Variants in RAD51B observed in about 807,000 individuals in gnomAD.
RAD51B encodes the protein DNA repair protein RAD51 homolog 2.
RAD51B carries 38 observed loss-of-function variants against 42.2 expected under a neutral mutation model. That is an observed-to-expected ratio of 0.90 (90% CI 0.70 to 1.18). The LOEUF is 1.18. Among genes scored for constraint, RAD51B ranks in the 50% most tolerant of loss-of-function variants. The pLI is 0.00. For synonymous variants in RAD51B, 154 were observed against 145.2 expected, an observed-to-expected ratio of 1.06 and a Z score of -0.43; for missense variants, 373 against 400.7, an observed-to-expected ratio of 0.93 and a Z score of 0.59.
intron 8 of RAD51B, among the ~76,000 whole-genome samples, chr14:68,355,192 G>T (rs2082875661): frequency 6.6e-6 from 1 of 152,098 alleles, no homozygotes. Flanking sequence ...CATTTCTTAT[G>T]TTGCCTATTT....
chr14:68,462,510 A>C (rs1191653429), intron 9 of RAD51B, among the ~76,000 whole-genome samples: 1 of 152,230 alleles, frequency 6.6e-6, no homozygotes, highest in African/African-American at 2.4e-5. Context: ...TCCAGCATCG[A>C]GTACATATTG....
chr14:68,459,671 G>A (rs2085794144), intron 9 of RAD51B, among the ~76,000 whole-genome samples: 1 of 152,234 alleles, frequency 6.6e-6, no homozygotes, highest in African/African-American at 2.4e-5. Context: ...TAGCAGGACA[G>A]GAAATTGTGT....
intron 11 of RAD51B, among the ~76,000 whole-genome samples, chr14:68,670,683 C>G (rs1893137414): frequency 6.6e-6 from 1 of 152,230 alleles, no homozygotes; most frequent in Non-Finnish European, 1.5e-5. Context: ...GAGAGCAGCC[C>G]TGGCAGGTCC....
chr14:68,152,760 C>G lies in RAD51B; in HGVS notation c.757-139124C>G, dbSNP rs552542089. Among the ~76,000 whole-genome samples the G allele has an allele frequency of 8.0e-5, 12 of 149,710 alleles. No homozygotes were observed. In the South Asian group the frequency reaches 2.5e-3, roughly 31 times the overall value. ...TTTAGCTCCTCCCTCCTCCCACTCTCTTCCTTCAAGTAGGCTCCAGTGTCT... is the reference window on the plus strand; with the variant it reads ...TTTAGCTCCTCCCTCCTCCCACTCTGTTCCTTCAAGTAGGCTCCAGTGTCT... On this transcript the variant is annotated intron_variant, in intron 7 of 10. Coordinates refer to ENST00000471583, the MANE Select transcript of RAD51B (RefSeq NM_133510.4).
intron 8 of RAD51B, among the ~76,000 whole-genome samples, chr14:68,383,806 A>T (rs1222585906): frequency 6.6e-6 from 1 of 152,196 alleles, no homozygotes; most frequent in Non-Finnish European, 1.5e-5. Flanking sequence ...ATATTTCCCC[A>T]GGCATCATTT....
intron 9 of RAD51B, among the ~76,000 whole-genome samples, chr14:68,431,466 T>C (rs1455647750): frequency 5.3e-5 from 8 of 152,218 alleles, no homozygotes; most frequent in Non-Finnish European, 7.3e-5. Flanking sequence ...AACTTCTTCC[T>C]GGTTTAGTCT....
At position 68,476,705 on chromosome 14, in the gene RAD51B, G is replaced by C. The variant is rs146346614; in HGVS notation, c.1037-943G>C. ...ATCACATGCTGCTCGCCAGCCATGC[G>C]AAACTTCTGTTTCCTCACACATGCC... On this transcript the variant is annotated intron_variant, in intron 10 of 10. Coordinates refer to ENST00000471583, the MANE Select transcript of RAD51B (RefSeq NM_133510.4). Among the ~76,000 whole-genome samples the C allele has an allele frequency of 3.4e-4, 51 of 152,228 alleles. No individual in the cohort carries two copies. In the East Asian group the frequency reaches 9.1e-3, roughly 27 times the overall value.
intron 7 of RAD51B, among the ~76,000 whole-genome samples, chr14:68,185,917 C>T (rs2079148863): frequency 6.6e-6 from 1 of 152,150 alleles, no homozygotes; most frequent in African/African-American, 2.4e-5. Flanking sequence ...CTGCACAAAT[C>T]TAAAAACTCT....
intron 8 of RAD51B, among the ~76,000 whole-genome samples, chr14:68,378,309 G>C (rs1394255165): frequency 6.6e-6 from 1 of 152,092 alleles, no homozygotes; most frequent in African/African-American, 2.4e-5. Flanking sequence ...TAAAAAGCAT[G>C]TTTCTCCCAA....
chr14:68,059,558 C>T (rs1049352998), intron 7 of RAD51B, among the ~76,000 whole-genome samples: 6 of 152,044 alleles, frequency 3.9e-5, no homozygotes, highest in Non-Finnish European at 5.9e-5. Flanking sequence ...AACATATGCC[C>T]GTAATATTCC....
rs201839130 is a variant in RAD51B at position 67,835,215 on chromosome 14, G to A, written c.315+19G>A. The A allele has an allele frequency of 6.5e-5, 101 of 1,557,794 alleles. No individual in the cohort carries two copies. In the East Asian group the frequency reaches 1.8e-3, roughly 28 times the overall value. On this transcript the variant is annotated intron_variant, in intron 4 of 10. Transcript: ENST00000471583. ...CACAGAGGTAAAGGAAAAATTTTTC[G>A]TACCTTCTTCCATTGACCTATAACC... is the stretch of plus-strand genomic sequence containing the variant.
At chr14:68,076,386 G>A (rs2076834063) in intron 7 of RAD51B, among the ~76,000 whole-genome samples, 3 of 152,198 alleles carry the variant, frequency 2.0e-5, no homozygotes, top group African/African-American at 7.2e-5. Flanking sequence ...GTAAGAATGA[G>A]TGAGCTTAGA....
intron 9 of RAD51B, among the ~76,000 whole-genome samples, chr14:68,441,872 G>A (rs867329632): frequency 1.3e-5 from 2 of 152,154 alleles, no homozygotes; most frequent in Non-Finnish European, 2.9e-5. Context: ...ACGGGCGCTG[G>A]CCACATTGTT....
chr14:68,624,877 G>A lies in RAD51B; in HGVS notation c.1037-25904G>A, dbSNP rs142171048. Among the ~76,000 whole-genome samples the A allele has an allele frequency of 1.5e-4, 23 of 152,228 alleles. No individual in the cohort carries two copies. The East Asian group carries it at 2.9e-3, about 19-fold the overall frequency. On this transcript the variant is annotated intron_variant, in intron 10 of 11. Coordinates refer to the RAD51B transcript ENST00000488612. ...CATATCCAGAGCCCTCCCATGCCTC[G>A]TGGGAGTACATAGGATAGGAGCCGG...
intron 7 of RAD51B, among the ~76,000 whole-genome samples, chr14:67,920,467 A>G (rs1205258985): frequency 6.6e-6 from 1 of 152,176 alleles, no homozygotes; most frequent in Non-Finnish European, 1.5e-5. Context: ...TTTCTCTTAT[A>G]TAAATATGGT....
chr14:68,545,729 T>C, intron 10 of RAD51B: 1 of 434,904 alleles, frequency 2.3e-6, no homozygotes. Flanking sequence ...CTGCCAAGAG[T>C]GAAGGGCTTG....
At chr14:68,507,147 T>G (rs888310744) in intron 10 of RAD51B, among the ~76,000 whole-genome samples, 10 of 152,156 alleles carry the variant, frequency 6.6e-5, no homozygotes, top group Non-Finnish European at 1.3e-4. Flanking sequence ...ATTTTCAATA[T>G]TAATCCATAA....
At position 68,589,456 on chromosome 14, in the gene RAD51B, C is replaced by T. The variant is rs536904586; in HGVS notation, c.1037-5029C>T. ...GCTTTAAATAAATACACACTCAAAA[C>T]GGCTATCACATCACTGCCCCCATGA... On this transcript the variant is annotated intron_variant, in intron 10 of 10. Transcript: ENST00000487270. 6.6e-5 allele frequency among the ~76,000 whole-genome samples: 10 copies of T among 152,144 alleles called. No individual in the cohort carries two copies. In the South Asian group the frequency reaches 1.2e-3, roughly 19 times the overall value.
At chr14:68,648,056 T>TAC (rs1566963467) in intron 10 of RAD51B, among the ~76,000 whole-genome samples, 1 of 109,616 alleles carries the variant, frequency 9.1e-6, no homozygotes, top group African/African-American at 3.2e-5. Context: ...TATAGATGTG[T>TAC]GTGTGTATAT....
Sources: allele counts gnomAD v4.1 joint callset (sites outside exome capture counted in the v4.1 genomes callset), GRCh38; gene constraint gnomAD v4.1.1; transcripts MANE v1.5; gene names NCBI Gene and HGNC (gene_info 2026-07-23, HGNC 2026-07-21).